The following SLC47A2 variants were observed in gnomAD, a reference collection of about 807,000 sequenced individuals.
The protein encoded by SLC47A2 is solute carrier family 47 member 2.
In SLC47A2, 52 loss-of-function variants were observed where a neutral mutation model predicts 67.7. The observed-to-expected ratio is 0.77, with a 90% CI of 0.61 to 0.97. The LOEUF is 0.97. SLC47A2 is among the 50% of genes least tolerant of loss of function. SLC47A2 has a pLI of 0.00. For missense variants in SLC47A2, 676 were observed against 712.3 expected, an observed-to-expected ratio of 0.95 and a Z score of 0.58; for synonymous variants, 278 against 292.9, an observed-to-expected ratio of 0.95 and a Z score of 0.52.
rs115261507 is a variant in SLC47A2 at position 19,713,941 on chromosome 17, G to A, written c.327C>T (p.Gly109=). The A allele has an allele frequency of 1.6e-3, 2,562 of 1,613,314 alleles. 43 individuals are homozygous for A. The African/African-American group carries it at 0.03, about 19-fold the overall frequency. The change falls in exon 4 of 17, where the codon GGC becomes GGT. Residue 109 remains glycine, a synonymous_variant. Coordinates refer to ENST00000433844, the MANE Select transcript of SLC47A2 (RefSeq NM_001099646.3). The stretch of plus-strand genomic sequence containing the variant: ...CCAGCGCGCCCCGCTGCAGGATCAC[G>A]CCCACGTGCTTCTTGTTGGGGCTGC... ...SFGSPNKKHV[G]VILQRGALVL... is the part of the protein sequence containing the mutation.
chr17:19,712,687 A>C lies in SLC47A2; in HGVS notation c.486+16T>G. 6.2e-7 allele frequency: 1 copy of C among 1,612,722 alleles called. No individual in the cohort carries two copies. Among genetic ancestry groups the C allele is most frequent in the Non-Finnish European group, 8.5e-7 (1 of 1,179,568 alleles). On this transcript the variant is annotated intron_variant, in intron 5 of 16. Coordinates refer to ENST00000433844, the MANE Select transcript of SLC47A2 (RefSeq NM_001099646.3). ...AGGGGAATGTGATTCCACGCTCAGC[A>C]AACAGGGGCACCTACCGGAAGTCCT... is the stretch of plus-strand genomic sequence containing the variant.
Position 19,685,764 on chromosome 17 carries a change from C to T in SLC47A2, c.1165-4094G>A, listed in dbSNP as rs2085415117. ...CTATTATCCTATGACCCTGCCACAT[C>T]CCCCTCTCTGAGAAACACCCAAAAA... On this transcript the variant is annotated intron_variant, in intron 13 of 16. Transcript: ENST00000433844. This position sits in a 1 kb window ranked among gnomAD's most constrained non-coding sequence, Gnocchi z 4.5. Among the ~76,000 whole-genome samples the T allele has an allele frequency of 1.3e-5, 2 of 152,080 alleles. No individual in the cohort carries two copies. Among genetic ancestry groups the T allele is most frequent in the African/African-American group, 4.8e-5 (2 of 41,416 alleles).
In SLC47A2 at chr17:19,702,096, G is replaced by A. The variant is rs182402094; in HGVS notation, c.1164+509C>T. 1.2e-3 allele frequency: 1,223 copies of A among 978,800 alleles called. 9 individuals are homozygous for A. In the African/African-American group the frequency reaches 0.02, roughly 16 times the overall value. 60.6% of individuals were successfully genotyped at this position (978,800 alleles called of 1,614,324 possible). ...TGCACTCCAGCCTGGGTGACAAAGC[G>A]AGACCCTGTCTCAAAAAAAAAAAAA... is the stretch of plus-strand genomic sequence containing the variant. On this transcript the variant is annotated intron_variant, in intron 13 of 16. Transcript: ENST00000433844.
chr17:19,712,555 A>G, intron 5 of SLC47A2, 148 bp downstream of exon 5: 2 of 738,218 alleles, frequency 2.7e-6, no homozygotes, highest in Non-Finnish European at 4.7e-6. Flanking sequence ...ATTTGCACCA[A>G]CTGCAACGGG....
At chr17:19,681,757 G>C in intron 13 of SLC47A2, 87 bp from the exon 14 acceptor site, 1 of 1,481,328 alleles carries the variant, frequency 6.8e-7, no homozygotes, top group Non-Finnish European at 9.1e-7. Flanking sequence ...TAAGCCATTC[G>C]CATGGCATTG....
At chr17:19,688,539 A>T (rs1042247890) in intron 13 of SLC47A2, among the ~76,000 whole-genome samples, 1 of 152,202 alleles carries the variant, frequency 6.6e-6, no homozygotes, top group African/African-American at 2.4e-5. Flanking sequence ...GTGCATCCAG[A>T]TTGAAAAGGA....
chr17:19,702,863 G>T (rs183351083), intron 12 of SLC47A2, among the ~76,000 whole-genome samples, 189 bp from the exon 13 acceptor site: 1 of 152,266 alleles, frequency 6.6e-6, no homozygotes, highest in Admixed American at 6.5e-5. Context: ...AACTTCAGAA[G>T]AGCCCCCACA....
chr17:19,682,266 G>A lies in SLC47A2; in HGVS notation c.1165-596C>T, dbSNP rs2085330511. Among the ~76,000 whole-genome samples the A allele has an allele frequency of 1.3e-5, 2 of 151,736 alleles. 1 individual carries two copies. On this transcript the variant is annotated intron_variant, in intron 13 of 16. Coordinates refer to ENST00000433844, the MANE Select transcript of SLC47A2 (RefSeq NM_001099646.3). Reference sequence around the variant, plus strand: ...CCAGCTACTTGGGAGGCTAAGGCACGAGAATTGCTTGAACCTAGGATGCAC... The same window carrying A: ...CCAGCTACTTGGGAGGCTAAGGCACAAGAATTGCTTGAACCTAGGATGCAC...
At chr17:19,688,374 A>G (rs2085471157) in intron 13 of SLC47A2, among the ~76,000 whole-genome samples, 1 of 141,340 alleles carries the variant, frequency 7.1e-6, no homozygotes, top group African/African-American at 2.6e-5. Flanking sequence ...ACACAATAAA[A>G]GCCTTATACA....
chr17:19,680,723 C>G (rs2085293858), intron 15 of SLC47A2, among the ~76,000 whole-genome samples: 1 of 152,008 alleles, frequency 6.6e-6, no homozygotes, highest in South Asian at 2.1e-4. Context: ...TTTTATGACC[C>G]CTTCCAAAGT....
Position 19,705,442 on chromosome 17 carries a change from G to C in SLC47A2, c.903C>G (p.Thr301=). The C allele has an allele frequency of 1.9e-6, 3 of 1,611,984 alleles. No individual in the cohort carries two copies. The highest frequency in any genetic ancestry group is 2.5e-6 in the Non-Finnish European group (3 of 1,179,316). The change falls in exon 10 of 17, where the codon ACC becomes ACG. Residue 301 remains threonine (T), a synonymous_variant. Coordinates refer to ENST00000433844, the MANE Select transcript of SLC47A2 (RefSeq NM_001099646.3). ...ACCCCTGCAGGAGCCTTACCATGTA[G>C]GTCACAGTGGCCACCTCGTAGATGA... ...QAVIYEVATV[T]YMIPLGLSIG...
In SLC47A2 at chr17:19,706,657, A is replaced by T; in HGVS notation, c.832T>A (p.Phe278Ile). 6.3e-7 allele frequency: 1 copy of T among 1,596,686 alleles called. No individual in the cohort carries two copies. Among genetic ancestry groups the T allele is most frequent in the Non-Finnish European group, 8.5e-7 (1 of 1,174,348 alleles). The change falls in exon 9 of 17, where the codon TTC becomes ATC. Residue 278 changes from phenylalanine (F) to isoleucine (I), a missense_variant. Physicochemically the swap from Phe to Ile is conservative, Grantham distance 21. Coordinates refer to ENST00000433844, the MANE Select transcript of SLC47A2 (RefSeq NM_001099646.3). Reference protein sequence around the residue: ...VEWWAYEIGSFLMGLLSVVDL... With the variant: ...VEWWAYEIGSILMGLLSVVDL... Reference sequence around the variant, plus strand: ...ATCCTCTTCCACGTACCCATGAGGAAGCTCCCGATCTCATAGGCCCACCAC... The same window carrying T: ...ATCCTCTTCCACGTACCCATGAGGATGCTCCCGATCTCATAGGCCCACCAC...
Position 19,713,890 on chromosome 17 carries a change from G to A in SLC47A2, c.378C>T (p.Cys126=). Residue 126 remains cysteine (C), a synonymous_variant, in exon 4 of 17, where the codon TGC becomes TGT. Coordinates refer to ENST00000433844, the MANE Select transcript of SLC47A2 (RefSeq NM_001099646.3). ...ALVLLLCCLP[C]WALFLNTQHI... ...GCTGGGTGTTGAGGAAGAGCGCCCA[G>A]CAAGGGAGGCAGCAGAGGAGCAGGA... 1 of 1,613,874 alleles carries A rather than the reference G, an allele frequency of 6.2e-7. No individual in the cohort carries two copies. The highest frequency in any genetic ancestry group is 1.1e-5 in the South Asian group (1 of 91,086).
chr17:19,715,033 C>A, intron 2 of SLC47A2, 83 bp downstream of exon 2: 1 of 1,464,084 alleles, frequency 6.8e-7, no homozygotes, highest in South Asian at 1.1e-5. Context: ...CCTGACCAGC[C>A]ACCCAAGACG....
At chr17:19,681,018 C>T (rs995234299) in intron 15 of SLC47A2, among the ~76,000 whole-genome samples, 3 of 152,052 alleles carry the variant, frequency 2.0e-5, no homozygotes, top group Admixed American at 6.5e-5. Flanking sequence ...TCGAGACCAT[C>T]CTGGCTAACA....
intron 3 of SLC47A2, among the ~76,000 whole-genome samples, chr17:19,714,277 C>T (rs556697956): frequency 6.6e-6 from 1 of 152,232 alleles, no homozygotes; most frequent in Non-Finnish European, 1.5e-5. Flanking sequence ...GCTAAAACCC[C>T]CAGGGAGAGG....
chr17:19,712,624 C>T (rs1433735437), intron 5 of SLC47A2, 79 bp downstream of exon 5: 18 of 1,470,174 alleles, frequency 1.2e-5, no homozygotes, highest in Middle Eastern at 1.7e-4. Flanking sequence ...AGGGATCTTC[C>T]GCAGCAGATA....
intron 13 of SLC47A2, among the ~76,000 whole-genome samples, chr17:19,691,038 G>T (rs571361930): frequency 6.6e-6 from 1 of 152,120 alleles, no homozygotes; most frequent in Non-Finnish European, 1.5e-5. Flanking sequence ...CAGGAGAATT[G>T]CTTGAACCTG....
chr17:19,715,315 T>C (rs1402449214), intron 1 of SLC47A2, 98 bp from the exon 2 acceptor site: 3 of 1,082,610 alleles, frequency 2.8e-6, no homozygotes, highest in East Asian at 5.1e-5. Flanking sequence ...CCCGCACCAG[T>C]GCCCCGAGAG....
Sources: allele counts gnomAD v4.1 joint callset (sites outside exome capture counted in the v4.1 genomes callset), GRCh38; gene constraint gnomAD v4.1.1; non-coding constraint Gnocchi (gnomAD v3.1); transcripts MANE v1.5; gene names NCBI Gene and HGNC (gene_info 2026-07-23, HGNC 2026-07-21).